Variants in REC114 observed in about 807,000 individuals in gnomAD.
REC114 encodes the protein meiotic recombination protein REC114.
Under a neutral mutation model 31.3 loss-of-function variants are expected in REC114, and 27 were observed. The observed-to-expected ratio is 0.86, with a 90% CI of 0.64 to 1.19. The LOEUF is 1.19. REC114 is among the 50% of genes most tolerant of loss of function. The probability of loss-of-function intolerance (pLI) is 0.00; values close to 1 mark genes in which losing one functional copy is unlikely to be tolerated. For missense variants in REC114, 344 were observed against 326.9 expected (o/e 1.05, Z -0.40); for synonymous variants, 134 against 127.7 (o/e 1.05, Z -0.33).
intron 2 of REC114, among the ~76,000 whole-genome samples, chr15:73,479,224 C>T (rs1378670030): frequency 1.3e-5 from 2 of 150,458 alleles, no homozygotes; most frequent in African/African-American, 2.4e-5. Flanking sequence ...ATTCATAAAA[C>T]CAGGGAAGTT....
At chr15:73,480,481 A>G (rs1021695317) in intron 2 of REC114, among the ~76,000 whole-genome samples, 2 of 152,136 alleles carry the variant, frequency 1.3e-5, no homozygotes, top group Non-Finnish European at 2.9e-5. Flanking sequence ...TATTTAAAAT[A>G]TATTTTGCCC....
chr15:73,516,810 A>G (rs1176082343), intron 2 of REC114, among the ~76,000 whole-genome samples: 1 of 152,136 alleles, frequency 6.6e-6, no homozygotes, highest in Non-Finnish European at 1.5e-5. Flanking sequence ...TATTTTTAGT[A>G]GAGATGGGGT....
At chr15:73,462,608 A>G (rs566740353) in intron 1 of REC114, among the ~76,000 whole-genome samples, 1 of 152,116 alleles carries the variant, frequency 6.6e-6, no homozygotes, top group African/African-American at 2.4e-5. Context: ...AACTCGGGCC[A>G]GGTGCGGTGG....
chr15:73,485,383 A>T (rs549514672), intron 2 of REC114, among the ~76,000 whole-genome samples: 4 of 152,132 alleles, frequency 2.6e-5, no homozygotes, highest in Non-Finnish European at 5.9e-5. Flanking sequence ...TGCCCGGCCA[A>T]CTGTTTAAAT....
intron 1 of REC114, among the ~76,000 whole-genome samples, chr15:73,465,590 A>G (rs1262803986): frequency 2.0e-5 from 3 of 152,050 alleles, no homozygotes; most frequent in Non-Finnish European, 4.4e-5. Context: ...ATACTAGATA[A>G]TTTTTTTATT....
At chr15:73,445,809 A>G (rs1278239162) in intron 1 of REC114, among the ~76,000 whole-genome samples, 1 of 152,220 alleles carries the variant, frequency 6.6e-6, no homozygotes, top group Non-Finnish European at 1.5e-5. Flanking sequence ...TTACAATAGT[A>G]ACATCAGAGA....
intron 2 of REC114, among the ~76,000 whole-genome samples, chr15:73,519,066 AAAC>A (rs951349103): frequency 2.0e-5 from 3 of 152,218 alleles, no homozygotes; most frequent in African/African-American, 7.2e-5. Flanking sequence ...GGCTGCTATA[AAAC>A]AACAAACAAG....
chr15:73,450,437 A>G (rs1167718888), intron 1 of REC114, among the ~76,000 whole-genome samples: 7 of 152,238 alleles, frequency 4.6e-5, no homozygotes, highest in Non-Finnish European at 8.8e-5. Context: ...AGAGCTAACT[A>G]TCCTAAATAT....
intron 1 of REC114, among the ~76,000 whole-genome samples, chr15:73,449,460 G>A (rs1892814480): frequency 6.6e-6 from 1 of 152,110 alleles, no homozygotes; most frequent in Non-Finnish European, 1.5e-5. Flanking sequence ...AGAGTGAAAA[G>A]AAACGAACAA....
intron 2 of REC114, among the ~76,000 whole-genome samples, chr15:73,486,326 G>C (rs972883221): frequency 3.3e-5 from 5 of 152,062 alleles, no homozygotes; most frequent in Non-Finnish European, 7.4e-5. Context: ...TCGAGCTCCT[G>C]ACCGCGTGAT....
chr15:73,513,735 G>A lies in REC114; in HGVS notation c.250-26750G>A, dbSNP rs1430445874. ...GGTGTCAGTGTGCCCCTGCTGGGGG[G>A]TGCCTCCCAGTTAGGCTGCTCGGGG... On this transcript the variant is annotated intron_variant, in intron 2 of 5. Transcript: ENST00000331090. 6.6e-5 allele frequency among the ~76,000 whole-genome samples: 10 copies of A among 151,982 alleles called. No individual in the cohort carries two copies. The East Asian group carries it at 1.2e-3, about 18-fold the overall frequency.
At chr15:73,473,389 C>CA (rs375168534) in intron 1 of REC114, among the ~76,000 whole-genome samples, 4,497 of 139,364 alleles carry the variant, frequency 0.032, 204 homozygotes, top group African/African-American at 0.1. Flanking sequence ...AACTCTGTCT[C>CA]AAAAAAAAAA....
chr15:73,502,378 G>C (rs1278297054), intron 2 of REC114, among the ~76,000 whole-genome samples: 1 of 152,080 alleles, frequency 6.6e-6, no homozygotes, highest in African/African-American at 2.4e-5. Context: ...TGAAAATTCA[G>C]GTATAAATTT....
chr15:73,466,428 C>T (rs992739328), intron 1 of REC114, among the ~76,000 whole-genome samples: 3 of 151,854 alleles, frequency 2.0e-5, no homozygotes, highest in Non-Finnish European at 4.4e-5. Flanking sequence ...GTGGTATGCA[C>T]CTGTAATCCT....
chr15:73,494,348 T>C (rs113677323), intron 2 of REC114, among the ~76,000 whole-genome samples: 11,380 of 151,890 alleles, frequency 0.075, 736 homozygotes, highest in African/African-American at 0.18. Context: ...AAAAATTAAC[T>C]AGGTGTGGTA....
intron 3 of REC114, 30 bp from the exon 4 acceptor site, chr15:73,550,908 T>C (rs903555929): frequency 6.2e-7 from 1 of 1,604,164 alleles, no homozygotes; most frequent in South Asian, 1.1e-5. Flanking sequence ...GATGAGGGTC[T>C]CTCATGATAA....
intron 2 of REC114, among the ~76,000 whole-genome samples, chr15:73,496,928 A>ATT (rs200017479): frequency 8.2e-5 from 11 of 133,856 alleles, no homozygotes; most frequent in African/African-American, 1.9e-4. Context: ...CTCAGTCTTT[A>ATT]TTTTTTTTTT....
At chr15:73,460,194 G>A (rs951674699) in intron 1 of REC114, among the ~76,000 whole-genome samples, 2 of 152,104 alleles carry the variant, frequency 1.3e-5, no homozygotes, top group Non-Finnish European at 2.9e-5. Flanking sequence ...TTTTCATAGA[G>A]GCTATGGATT....
intron 1 of REC114, among the ~76,000 whole-genome samples, chr15:73,447,875 T>A (rs1008436018): frequency 2.0e-5 from 3 of 151,946 alleles, no homozygotes; most frequent in Non-Finnish European, 4.4e-5. Context: ...TCACCTCACC[T>A]GGGAAGTACA....
Sources: allele counts gnomAD v4.1 joint callset (sites outside exome capture counted in the v4.1 genomes callset), GRCh38; gene constraint gnomAD v4.1.1; transcripts MANE v1.5; gene names NCBI Gene and HGNC (gene_info 2026-07-23, HGNC 2026-07-21).